DAB1: variants seen among roughly 807,000 people sequenced by gnomAD.
The protein encoded by DAB1 is DAB adaptor protein 1, also known as disabled homolog 1.
A neutral mutation model predicts 64.6 loss-of-function variants in DAB1; 15 were observed. That is an observed-to-expected ratio of 0.23 (90% CI 0.16 to 0.36). The LOEUF is 0.36. Among genes scored for constraint, DAB1 ranks in the 10% least tolerant of loss-of-function variants. The pLI is 1.00. For missense variants in DAB1, 596 were observed against 706.7 expected (o/e 0.84, Z 1.78); for synonymous variants, 235 against 251.9 (o/e 0.93, Z 0.64).
At chr1:57,678,131 G>T (rs1428303994) in intron 6 of DAB1, among the ~76,000 whole-genome samples, 1 of 152,112 alleles carries the variant, frequency 6.6e-6, no homozygotes, top group African/African-American at 2.4e-5. Context: ...AGGGGGAGGA[G>T]ACTCCAGGAT....
At chr1:58,497,191 T>C (rs1005567766) in intron 3 of DAB1, among the ~76,000 whole-genome samples, 1 of 152,196 alleles carries the variant, frequency 6.6e-6, no homozygotes, top group Non-Finnish European at 1.5e-5. Flanking sequence ...TGGGATTATA[T>C]GTACTCACCA....
At chr1:57,830,136 A>G (rs1247821804) in intron 1 of DAB1, among the ~76,000 whole-genome samples, 3 of 152,226 alleles carry the variant, frequency 2.0e-5, no homozygotes, top group African/African-American at 7.2e-5. Context: ...TCTGTAAGTG[A>G]CTGACAGAGA....
intron 5 of DAB1, among the ~76,000 whole-genome samples, chr1:58,117,256 T>C (rs1570372631): frequency 6.6e-6 from 1 of 152,346 alleles, no homozygotes; most frequent in Non-Finnish European, 1.5e-5. Flanking sequence ...AAGTTACTTA[T>C]GCATGCCCAG....
At chr1:58,466,751 T>C (rs1378527905) in intron 3 of DAB1, among the ~76,000 whole-genome samples, 1 of 152,146 alleles carries the variant, frequency 6.6e-6, no homozygotes, top group Non-Finnish European at 1.5e-5. Context: ...ACACGGGTGA[T>C]GTTTTGCCTC....
intron 5 of DAB1, among the ~76,000 whole-genome samples, chr1:58,148,418 T>C (rs1332870992): frequency 2.0e-5 from 3 of 152,222 alleles, no homozygotes; most frequent in South Asian, 4.1e-4. Flanking sequence ...TACTGTGACC[T>C]GAAAGATGCT....
chr1:58,436,487 A>C (rs1644945879), intron 3 of DAB1, among the ~76,000 whole-genome samples: 2 of 152,090 alleles, frequency 1.3e-5, no homozygotes, highest in African/African-American at 4.8e-5. Flanking sequence ...AGTGCATTGA[A>C]TCTCTTAGCT....
At chr1:58,499,314 C>CAAAA (rs58217798) in intron 3 of DAB1, among the ~76,000 whole-genome samples, 36 of 69,646 alleles carry the variant, frequency 5.2e-4, no homozygotes, top group African/African-American at 1.1e-3. Context: ...CACATCTCTA[C>CAAAA]AAAAAAAAAA....
chr1:57,647,368 T>C (rs879738018), intron 7 of DAB1, among the ~76,000 whole-genome samples: 2 of 152,210 alleles, frequency 1.3e-5, no homozygotes, highest in African/African-American at 2.4e-5. Context: ...TGTTTTCCAG[T>C]TGGAGAGGTG....
At chr1:57,909,736 AAT>A (rs1333867662) in intron 5 of DAB1, among the ~76,000 whole-genome samples, 1 of 152,222 alleles carries the variant, frequency 6.6e-6, no homozygotes, top group African/African-American at 2.4e-5. Context: ...TGCCAAAATA[AAT>A]TGCGTATATT....
chr1:57,914,238 A>G (rs1246713108), intron 5 of DAB1, among the ~76,000 whole-genome samples: 1 of 152,208 alleles, frequency 6.6e-6, no homozygotes, highest in Non-Finnish European at 1.5e-5. Context: ...AATGTGGCAC[A>G]TATACACATG....
intron 4 of DAB1, among the ~76,000 whole-genome samples, chr1:58,233,123 T>A (rs542365176): frequency 3.3e-5 from 5 of 152,308 alleles, no homozygotes; most frequent in African/African-American, 4.8e-5. Flanking sequence ...TGCTTGCTCT[T>A]TAATGTGAAG....
intron 3 of DAB1, among the ~76,000 whole-genome samples, chr1:58,391,688 T>C (rs530015815): frequency 6.6e-6 from 1 of 152,328 alleles, no homozygotes; most frequent in African/African-American, 2.4e-5. Context: ...ACCTAGTTCC[T>C]ATGTCTTCAT....
At chr1:57,171,739 C>T (rs1256111761) in intron 2 of DAB1, among the ~76,000 whole-genome samples, 3 of 152,098 alleles carry the variant, frequency 2.0e-5, no homozygotes, top group African/African-American at 7.2e-5. Context: ...GTGTTATACA[C>T]CTAGGTTTAT....
chr1:57,589,163 T>C (rs900005051), intron 7 of DAB1, among the ~76,000 whole-genome samples: 1 of 152,040 alleles, frequency 6.6e-6, no homozygotes, highest in Non-Finnish European at 1.5e-5. Flanking sequence ...GAGGTTGCAG[T>C]GAGCCGAGAT....
Position 57,262,589 on chromosome 1 carries a change from C to T in DAB1, c.67+28375G>A, listed in dbSNP as rs17455073. On this transcript the variant is annotated intron_variant, in intron 2 of 14. Transcript: ENST00000371236. ...CCAAAGTCAGTGATTTTACTTACAC[C>T]TACTTTCCGCTCTTATCACCCGGAG... Among the ~76,000 whole-genome samples the T allele has an allele frequency of 7.6e-3, 1,161 of 152,336 alleles. 30 individuals are homozygous for T. The East Asian group carries it at 0.08, about 10-fold the overall frequency.
intron 2 of DAB1, among the ~76,000 whole-genome samples, chr1:57,170,097 A>G (rs1661596148): frequency 6.6e-6 from 1 of 151,652 alleles, no homozygotes; most frequent in Non-Finnish European, 1.5e-5. Context: ...CCCAGGTTCA[A>G]GCGATTCTCC....
rs184863593 is a variant in DAB1, at chr1:58,150,105, G to A, written n.387+406C>T. Among the ~76,000 whole-genome samples the A allele has an allele frequency of 2.6e-5, 4 of 152,260 alleles. No homozygotes were observed. The East Asian group carries it at 7.7e-4, about 29-fold the overall frequency. ...AGACTTACAAATCACTGCAAAATAA[G>A]TGTTAGTATTCTCATTGTACAGATA... On this transcript the variant is annotated intron_variant and non_coding_transcript_variant, in intron 5 of 20. Coordinates refer to the DAB1 transcript ENST00000485760.
intron 3 of DAB1, among the ~76,000 whole-genome samples, chr1:58,488,159 T>C (rs1645609577): frequency 6.6e-6 from 1 of 152,188 alleles, no homozygotes; most frequent in Admixed American, 6.5e-5. Flanking sequence ...ACTACATCAT[T>C]ATAAAGTTCA....
At chr1:57,106,156 C>A (rs1655120171) in intron 4 of DAB1, among the ~76,000 whole-genome samples, 4 of 152,150 alleles carry the variant, frequency 2.6e-5, no homozygotes, top group Admixed American at 2.6e-4. Flanking sequence ...ATCGGGTTAA[C>A]CTTTTCTGAA....
Sources: allele counts gnomAD v4.1 joint callset (sites outside exome capture counted in the v4.1 genomes callset), GRCh38; gene constraint gnomAD v4.1.1; transcripts MANE v1.5; gene names NCBI Gene and HGNC (gene_info 2026-07-23, HGNC 2026-07-21).